MITF: variants seen among roughly 807,000 people sequenced by gnomAD.
MITF encodes the protein microphthalmia-associated transcription factor.
In MITF, 17 loss-of-function variants were observed where a neutral mutation model predicts 60.5. The ratio of observed to expected loss-of-function variants is 0.28; its 90% CI spans 0.19 to 0.42. MITF has a LOEUF of 0.42. Ranked by LOEUF, MITF falls within the 10% of genes least tolerant of loss-of-function variation. The pLI, the probability that MITF is intolerant of heterozygous loss-of-function variation, is 1.00. For missense variants in MITF, 622 were observed against 683.5 expected (o/e 0.91, Z 1.00); for synonymous variants, 260 against 248.5 (o/e 1.05, Z -0.43).
chr3:69,745,640 G>A (rs185103086), intron 1 of MITF, among the ~76,000 whole-genome samples: 1 of 152,176 alleles, frequency 6.6e-6, no homozygotes. Context: ...CTTTCTTTAA[G>A]CTCTTTCTTG....
intron 9 of MITF, among the ~76,000 whole-genome samples, chr3:69,964,078 A>G (rs1013436659): frequency 4.1e-5 from 6 of 146,970 alleles, no homozygotes; most frequent in South Asian, 4.2e-4. Context: ...CCAGGTTCAA[A>G]CGATTCTCCT....
At chr3:69,943,881 A>G (rs1399419508) in intron 5 of MITF, among the ~76,000 whole-genome samples, 1 of 152,136 alleles carries the variant, frequency 6.6e-6, no homozygotes, top group Admixed American at 6.5e-5. Flanking sequence ...ACTTGAGACC[A>G]GGAGTTGGAG....
chr3:69,829,702 T>C (rs1051484856), intron 1 of MITF, among the ~76,000 whole-genome samples: 10 of 148,088 alleles, frequency 6.8e-5, no homozygotes, highest in Admixed American at 1.3e-4. Flanking sequence ...ACACACCAAC[T>C]GTCAGGTGAT....
At chr3:69,960,742 C>T (rs1454677016) in intron 9 of MITF, among the ~76,000 whole-genome samples, 1 of 152,184 alleles carries the variant, frequency 6.6e-6, no homozygotes, top group Non-Finnish European at 1.5e-5. Context: ...GACACCCTAG[C>T]GACCATTGTG....
At position 69,966,028 on chromosome 3, in the gene MITF, A is replaced by C. The variant is rs1232954643; in HGVS notation, c.*780A>C. 1 of 232,360 alleles carries C rather than the reference A, an allele frequency of 4.3e-6. No homozygotes were observed. The highest frequency in any genetic ancestry group is 5.6e-5 in the Admixed American group (1 of 17,762). The allele number at this position is 232,360 out of a possible 1,614,324, so 14.4% of individuals were successfully genotyped here. A position where few individuals can be genotyped will look rare whatever the true frequency, so the allele number is the denominator to read the frequency against. The stretch of plus-strand genomic sequence containing the variant: ...GAAATGGAAATTAATGTCCTCTCAA[A>C]GTAAAATATTGAGGAGCACTGAAAG... On this transcript the variant is annotated 3_prime_UTR_variant, in exon 10 of 10. Transcript: ENST00000352241.
At chr3:69,935,188 A>G (rs899519786) in intron 2 of MITF, among the ~76,000 whole-genome samples, 1 of 152,224 alleles carries the variant, frequency 6.6e-6, no homozygotes, top group Admixed American at 6.5e-5. Context: ...CATAGTGTTT[A>G]TAGGCCATCT....
At chr3:69,741,439 G>A (rs903196841) in intron 1 of MITF, among the ~76,000 whole-genome samples, 6 of 152,184 alleles carry the variant, frequency 3.9e-5, no homozygotes, top group African/African-American at 1.4e-4. Flanking sequence ...ATCAGTTTGA[G>A]AGAGCGAGGA....
At chr3:69,801,220 T>C (rs1371992017) in intron 1 of MITF, among the ~76,000 whole-genome samples, 1 of 152,116 alleles carries the variant, frequency 6.6e-6, no homozygotes, top group East Asian at 1.9e-4. Context: ...GTGGCTAAAA[T>C]ATCAGGACTA....
At chr3:69,788,274 A>G (rs2062684064) in intron 1 of MITF, among the ~76,000 whole-genome samples, 1 of 133,260 alleles carries the variant, frequency 7.5e-6, no homozygotes, top group Non-Finnish European at 1.6e-5. Context: ...TCCTGATGCT[A>G]TCCCTCCCCC....
chr3:69,878,524 C>T lies in MITF; in HGVS notation c.105-610C>T, dbSNP rs529197059. 1.2e-4 allele frequency among the ~76,000 whole-genome samples: 18 copies of T among 152,252 alleles called. No homozygotes were observed. In the South Asian group the frequency reaches 3.7e-3, roughly 32 times the overall value. ...GAAGTATTGGCTTGTCAGACCAGCT[C>T]GTCTTCTGCCCCCTTACCCAAAGAG... On this transcript the variant is annotated intron_variant, in intron 1 of 9. Transcript: ENST00000352241.
Position 69,965,233 on chromosome 3 carries a change from G to T in MITF, c.1566G>T (p.Thr522=). 1 of 1,613,832 alleles carries T rather than the reference G, an allele frequency of 6.2e-7. No homozygotes were observed. Among genetic ancestry groups the T allele is most frequent in the Non-Finnish European group, 8.5e-7 (1 of 1,179,800 alleles). The part of the protein sequence containing the change: ...SRRSSMSMEE[T]EHTC ...GGAGCAGTATGAGCATGGAAGAGAC[G>T]GAGCACACTTGTTAGCGAATCCTCC... Residue 522 remains threonine (T), a synonymous_variant, in exon 10 of 10, where the codon ACG becomes ACT. Coordinates refer to ENST00000352241, the MANE Select transcript of MITF (RefSeq NM_001354604.2).
chr3:69,900,787 G>GA (rs2064978457), intron 2 of MITF, among the ~76,000 whole-genome samples: 2 of 152,220 alleles, frequency 1.3e-5, no homozygotes, highest in Admixed American at 1.3e-4. Flanking sequence ...GCTCAATCAG[G>GA]AAAAATGAGG....
At chr3:69,850,231 A>G (rs1365477588) in intron 1 of MITF, among the ~76,000 whole-genome samples, 1 of 152,194 alleles carries the variant, frequency 6.6e-6, no homozygotes, top group African/African-American at 2.4e-5. Flanking sequence ...GAATGAATGT[A>G]GTTACTAGTT....
At chr3:69,957,000 A>T (rs1254724707) in intron 8 of MITF, among the ~76,000 whole-genome samples, 3 of 152,198 alleles carry the variant, frequency 2.0e-5, no homozygotes, top group Non-Finnish European at 4.4e-5. Flanking sequence ...TATTTTTATG[A>T]AAACTTGCCT....
At chr3:69,857,382 A>C (rs2063937226) in intron 1 of MITF, among the ~76,000 whole-genome samples, 2 of 152,108 alleles carry the variant, frequency 1.3e-5, no homozygotes. Flanking sequence ...TTAAATAAAA[A>C]AGATTTGTTT....
chr3:69,934,577 T>C (rs138374287), intron 2 of MITF, among the ~76,000 whole-genome samples: 40 of 152,298 alleles, frequency 2.6e-4, no homozygotes, highest in Non-Finnish European at 4.9e-4. Flanking sequence ...TTCAATATGC[T>C]AGGAGATGAG....
rs921828023 is a variant in MITF, at chr3:69,879,450, G to A, written c.354+67G>A. On this transcript the variant is annotated intron_variant, in intron 2 of 9. Coordinates refer to ENST00000352241, the MANE Select transcript of MITF (RefSeq NM_001354604.2). ...CCATTTTCCATTTGCTAGGTGTTTT[G>A]TTTATCTGAATATGTATTTTGTTAG... 8 of 1,607,486 alleles carry A rather than the reference G, an allele frequency of 5.0e-6. No individual in the cohort carries two copies. In the African/African-American group the frequency reaches 1.1e-4, roughly 21 times the overall value.
At chr3:69,774,960 A>G (rs1435074432) in intron 1 of MITF, among the ~76,000 whole-genome samples, 1 of 152,144 alleles carries the variant, frequency 6.6e-6, no homozygotes, top group Non-Finnish European at 1.5e-5. Flanking sequence ...GCTTCCTTTC[A>G]GTTATTTTAC....
At chr3:69,837,387 G>A (rs886741291) in intron 1 of MITF, among the ~76,000 whole-genome samples, 2 of 152,302 alleles carry the variant, frequency 1.3e-5, no homozygotes, top group African/African-American at 2.4e-5. Flanking sequence ...TTTGAAAACA[G>A]GAGTTGTGTT....
Sources: allele counts gnomAD v4.1 joint callset (sites outside exome capture counted in the v4.1 genomes callset), GRCh38; gene constraint gnomAD v4.1.1; transcripts MANE v1.5; gene names NCBI Gene and HGNC (gene_info 2026-07-23, HGNC 2026-07-21).